Variants in TRABD2B observed in about 807,000 individuals in gnomAD.
TRABD2B encodes the protein TraB domain containing 2B.
TRABD2B carries 14 observed loss-of-function variants against 40.1 expected under a neutral mutation model. That is an observed-to-expected ratio of 0.35 (90% CI 0.23 to 0.55). The LOEUF (loss-of-function observed/expected upper bound fraction) is 0.55. Ranked by LOEUF, TRABD2B falls within the 20% of genes least tolerant of loss-of-function variation. The pLI is 0.90. For synonymous variants in TRABD2B, 263 were observed against 277.0 expected (o/e 0.95, Z 0.50); for missense variants, 541 against 648.6 (o/e 0.83, Z 1.80).
At chr1:47,769,324 C>T (rs577521670) in intron 6 of TRABD2B, among the ~76,000 whole-genome samples, 14 of 152,310 alleles carry the variant, frequency 9.2e-5, no homozygotes, top group Admixed American at 2.6e-4. Context: ...CCTTGAGGTG[C>T]CCGGAGCTGG....
At chr1:47,792,612 C>T (rs1354427844) in intron 4 of TRABD2B, among the ~76,000 whole-genome samples, 1 of 152,190 alleles carries the variant, frequency 6.6e-6, no homozygotes, top group Non-Finnish European at 1.5e-5. Flanking sequence ...GACATCAGTG[C>T]CCCTACAAAC....
At chr1:47,992,666 G>C (rs1646029330) in intron 2 of TRABD2B, among the ~76,000 whole-genome samples, 2 of 152,342 alleles carry the variant, frequency 1.3e-5, no homozygotes, top group South Asian at 2.1e-4. Context: ...TCCCGAGGCT[G>C]GCAAGGGAAA....
At chr1:47,863,372 T>TATATATATATATATATATATATA (rs1644003823) in intron 2 of TRABD2B, among the ~76,000 whole-genome samples, 11 of 66,486 alleles carry the variant, frequency 1.7e-4, no homozygotes, top group South Asian at 1.1e-3. Flanking sequence ...CTATATAATT[T>TATATATATATATATATATATATA]TATATATATA....
intron 4 of TRABD2B, among the ~76,000 whole-genome samples, chr1:47,790,067 A>T (rs1294818706): frequency 6.6e-6 from 1 of 152,206 alleles, no homozygotes; most frequent in Non-Finnish European, 1.5e-5. Context: ...TAAGTAAGGA[A>T]TATTTTAACT....
At chr1:47,971,944 A>C (rs1423074952) in intron 2 of TRABD2B, among the ~76,000 whole-genome samples, 1 of 152,204 alleles carries the variant, frequency 6.6e-6, no homozygotes, top group Non-Finnish European at 1.5e-5. Flanking sequence ...AACAGATGAA[A>C]GAGCCAACAG....
intron 2 of TRABD2B, among the ~76,000 whole-genome samples, chr1:47,849,959 C>G (rs1645525420): frequency 6.6e-6 from 1 of 152,242 alleles, no homozygotes; most frequent in Admixed American, 6.5e-5. Context: ...GCAGCCCCAG[C>G]CAGCACTGGC....
intron 2 of TRABD2B, among the ~76,000 whole-genome samples, chr1:47,898,293 G>C (rs1004922620): frequency 1.3e-5 from 2 of 152,148 alleles, no homozygotes; most frequent in East Asian, 1.9e-4. Flanking sequence ...CTTTGAGCCC[G>C]GGCTGCTCTG....
intron 2 of TRABD2B, among the ~76,000 whole-genome samples, chr1:47,893,838 T>C (rs1037853522): frequency 3.3e-5 from 5 of 152,112 alleles, no homozygotes; most frequent in Admixed American, 6.5e-5. Flanking sequence ...GGCAGGCTCT[T>C]GGACTCTGCG....
intron 2 of TRABD2B, among the ~76,000 whole-genome samples, chr1:47,987,176 T>A (rs1570420838): frequency 6.6e-6 from 1 of 152,254 alleles, no homozygotes; most frequent in Non-Finnish European, 1.5e-5. Flanking sequence ...TTTCTCTGCT[T>A]GGCCTGGGAT....
At chr1:47,767,361 G>A (rs1644318763) in intron 6 of TRABD2B, among the ~76,000 whole-genome samples, 1 of 152,240 alleles carries the variant, frequency 6.6e-6, no homozygotes. Flanking sequence ...CCCGGAAGCA[G>A]GGAGGCCACA....
At chr1:47,900,940 G>A (rs948910210) in intron 2 of TRABD2B, among the ~76,000 whole-genome samples, 1 of 152,160 alleles carries the variant, frequency 6.6e-6, no homozygotes, top group Non-Finnish European at 1.5e-5. Context: ...AAGGAGTAAG[G>A]AGACGGATTT....
intron 2 of TRABD2B, among the ~76,000 whole-genome samples, chr1:47,980,127 A>G (rs1419062308): frequency 1.3e-5 from 2 of 152,118 alleles, no homozygotes; most frequent in Admixed American, 1.3e-4. Flanking sequence ...TCAATTGCCT[A>G]GTCTCCCCAT....
intron 2 of TRABD2B, among the ~76,000 whole-genome samples, chr1:47,889,923 A>G (rs1334925576): frequency 6.6e-6 from 1 of 152,242 alleles, no homozygotes; most frequent in Non-Finnish European, 1.5e-5. Context: ...TGCTTAGGAC[A>G]GTGTCTCATC....
intron 2 of TRABD2B, among the ~76,000 whole-genome samples, chr1:47,983,881 G>T: frequency 6.6e-6 from 1 of 152,126 alleles, no homozygotes; most frequent in South Asian, 2.1e-4. Context: ...GATGCAAATG[G>T]TTGAAATTAT....
Position 47,804,974 on chromosome 1 carries a change from G to T in TRABD2B, c.667-3355C>A, listed in dbSNP as rs1485424002. On this transcript the variant is annotated intron_variant, in intron 2 of 6. Transcript: ENST00000606738. ...ATGTCTCCCTGCAGCAGGGACTTCT[G>T]CACCAAGGCCCTTCTGTGGAACCCA... is the stretch of plus-strand genomic sequence containing the variant. Among the ~76,000 whole-genome samples the T allele has an allele frequency of 2.0e-5, 3 of 152,192 alleles. 1 individual carries two copies. The highest frequency in any genetic ancestry group is 1.3e-4 in the Admixed American group (2 of 15,286).
chr1:47,933,674 C>T (rs952460109), intron 2 of TRABD2B, among the ~76,000 whole-genome samples: 3 of 152,194 alleles, frequency 2.0e-5, no homozygotes, highest in Non-Finnish European at 4.4e-5. Context: ...TAAACTCTTG[C>T]ACACACTGCT....
At chr1:47,947,971 G>A (rs1645283484) in intron 2 of TRABD2B, among the ~76,000 whole-genome samples, 1 of 152,142 alleles carries the variant, frequency 6.6e-6, no homozygotes, top group African/African-American at 2.4e-5. Flanking sequence ...GAGCAGCCCA[G>A]GTGTCATGAA....
At chr1:47,979,031 C>T (rs1645801729) in intron 2 of TRABD2B, among the ~76,000 whole-genome samples, 1 of 152,024 alleles carries the variant, frequency 6.6e-6, no homozygotes, top group African/African-American at 2.4e-5. Flanking sequence ...GGGGATGCTA[C>T]AGCCGCACCA....
chr1:47,796,128 C>A (rs1489076703), intron 3 of TRABD2B, among the ~76,000 whole-genome samples: 1 of 152,204 alleles, frequency 6.6e-6, no homozygotes, highest in African/African-American at 2.4e-5. Flanking sequence ...TTTGTCTTTC[C>A]AACCTGGATA....
Sources: allele counts gnomAD v4.1 joint callset (sites outside exome capture counted in the v4.1 genomes callset), GRCh38; gene constraint gnomAD v4.1.1; transcripts MANE v1.5; gene names NCBI Gene and HGNC (gene_info 2026-07-23, HGNC 2026-07-21).